Variants in HMBOX1 observed in about 807,000 individuals in gnomAD.
The protein encoded by HMBOX1 is homeobox-containing protein 1.
Under a neutral mutation model 54.5 loss-of-function variants are expected in HMBOX1, and 14 were observed. The observed-to-expected ratio is 0.26, with a 90% CI of 0.17 to 0.40. The LOEUF is 0.40. Ranked by LOEUF, HMBOX1 falls within the 10% of genes least tolerant of loss-of-function variation. The probability of loss-of-function intolerance (pLI) is 1.00; values close to 1 mark genes in which losing one functional copy is unlikely to be tolerated. For missense variants in HMBOX1, 332 were observed against 514.4 expected (o/e 0.65, Z 3.43); for synonymous variants, 160 against 181.0 (o/e 0.88, Z 0.93).
chr8:29,026,246 A>G (rs1802017063), intron 6 of HMBOX1, among the ~76,000 whole-genome samples: 2 of 152,158 alleles, frequency 1.3e-5, no homozygotes, highest in South Asian at 2.1e-4. Flanking sequence ...TTCCAAAAAC[A>G]TTTATTGTCA....
chr8:29,047,927 CAGTT>C (rs1805840316), intron 8 of HMBOX1, among the ~76,000 whole-genome samples: 3 of 152,092 alleles, frequency 2.0e-5, no homozygotes, highest in Admixed American at 1.3e-4. Context: ...TAATAAACCA[CAGTT>C]AGTATTATTT....
chr8:28,952,844 T>G (rs1299399476), intron 1 of HMBOX1, among the ~76,000 whole-genome samples: 1 of 152,258 alleles, frequency 6.6e-6, no homozygotes, highest in Non-Finnish European at 1.5e-5. Context: ...TATGTAACTT[T>G]AATCACAAAT....
intron 4 of HMBOX1, among the ~76,000 whole-genome samples, chr8:29,002,705 C>G (rs960790018): frequency 3.9e-5 from 6 of 152,104 alleles, no homozygotes; most frequent in Non-Finnish European, 7.4e-5. Context: ...TTTGTTTTCA[C>G]TCCAGTTTAA....
At chr8:28,895,044 T>C (rs1811836442) in intron 1 of HMBOX1, among the ~76,000 whole-genome samples, 2 of 152,194 alleles carry the variant, frequency 1.3e-5, no homozygotes, top group Non-Finnish European at 1.5e-5. Flanking sequence ...TCCTTCCTGT[T>C]AAGTGGTAAA....
chr8:29,041,075 T>C (rs548798162), intron 6 of HMBOX1, among the ~76,000 whole-genome samples: 95 of 152,332 alleles, frequency 6.2e-4, no homozygotes, highest in African/African-American at 2.3e-3. Context: ...TTAAATATTG[T>C]ACTGTCTCCC....
chr8:29,026,442 G>A (rs1802051849), intron 6 of HMBOX1, among the ~76,000 whole-genome samples: 1 of 152,062 alleles, frequency 6.6e-6, no homozygotes, highest in African/African-American at 2.4e-5. Flanking sequence ...ATCAGTTGTG[G>A]AGGTGCTTGT....
chr8:29,006,054 G>T (rs1405521269), intron 4 of HMBOX1, among the ~76,000 whole-genome samples: 1 of 147,524 alleles, frequency 6.8e-6, no homozygotes, highest in Non-Finnish European at 1.5e-5. Context: ...GTGCAGTGGC[G>T]CAATCTTGGC....
At chr8:28,939,026 A>G (rs1210770130) in intron 1 of HMBOX1, among the ~76,000 whole-genome samples, 2 of 152,172 alleles carry the variant, frequency 1.3e-5, no homozygotes, top group African/African-American at 4.8e-5. Flanking sequence ...GTGGTGGCTC[A>G]CGCCTGTAAT....
At chr8:28,947,985 G>A (rs1212332158) in intron 1 of HMBOX1, among the ~76,000 whole-genome samples, 1 of 152,116 alleles carries the variant, frequency 6.6e-6, no homozygotes, top group African/African-American at 2.4e-5. Context: ...GTATAGTGGT[G>A]CAGATATGCT....
At chr8:29,006,984 T>G (rs983575007) in intron 4 of HMBOX1, among the ~76,000 whole-genome samples, 2 of 152,130 alleles carry the variant, frequency 1.3e-5, no homozygotes, top group African/African-American at 2.4e-5. Context: ...GTTGTTTTCT[T>G]CACCCTTTAA....
intron 1 of HMBOX1, among the ~76,000 whole-genome samples, chr8:28,908,994 G>T (rs536146923): frequency 4.6e-5 from 7 of 151,856 alleles, no homozygotes; most frequent in African/African-American, 1.7e-4. Flanking sequence ...CAGCTACTCA[G>T]GAAGCTAAGG....
chr8:28,911,000 G>A (rs1260930387), intron 1 of HMBOX1, among the ~76,000 whole-genome samples: 1 of 152,178 alleles, frequency 6.6e-6, no homozygotes, highest in African/African-American at 2.4e-5. Context: ...GCTTAGTGAT[G>A]CTAAATGACC....
intron 1 of HMBOX1, among the ~76,000 whole-genome samples, chr8:28,919,829 A>G (rs1405515593): frequency 1.3e-5 from 2 of 152,236 alleles, no homozygotes; most frequent in African/African-American, 4.8e-5. Context: ...AGAACAAGCA[A>G]AGCTAAAACA....
Position 28,970,480 on chromosome 8 carries a change from A to T in HMBOX1, c.461A>T (p.Glu154Val), listed in dbSNP as rs758201711. ...QRSYSFEASE[E>V]DLDVDDKVEE... ...TCATACAGTTTTGAAGCCTCAGAAG[A>T]GGACCTAGATGTAGATGATAAAGTG... Residue 154 changes from glutamate (E) to valine (V), a missense_variant, in exon 3 of 10, where the codon GAG (glutamate) becomes GTG (valine). Coordinates refer to ENST00000287701, the MANE Select transcript of HMBOX1 (RefSeq NM_001135726.3). The surrounding 1 kb of genome is among the most constrained non-coding windows in gnomAD (Gnocchi z 4.3). 1.2e-6 allele frequency: 2 copies of T among 1,611,434 alleles called. No homozygotes were observed. The highest frequency in any genetic ancestry group is 1.7e-6 in the Non-Finnish European group (2 of 1,179,000).
intron 1 of HMBOX1, among the ~76,000 whole-genome samples, chr8:28,924,250 G>A (rs1289551182): frequency 6.6e-6 from 1 of 151,556 alleles, no homozygotes; most frequent in Non-Finnish European, 1.5e-5. Flanking sequence ...GGGACTACAG[G>A]TGCCCGCCAC....
intron 5 of HMBOX1, among the ~76,000 whole-genome samples, chr8:29,013,902 A>G (rs946432395): frequency 3.3e-5 from 5 of 152,200 alleles, no homozygotes; most frequent in Admixed American, 2.6e-4. Context: ...CTAAACAATT[A>G]AATAAAATTT....
At chr8:28,929,779 A>G (rs938523049) in intron 1 of HMBOX1, among the ~76,000 whole-genome samples, 1 of 152,102 alleles carries the variant, frequency 6.6e-6, no homozygotes, top group Non-Finnish European at 1.5e-5. Flanking sequence ...CCCACTCTTG[A>G]CTATTTTAAA....
chr8:28,951,487 A>T (rs904619544), intron 1 of HMBOX1, among the ~76,000 whole-genome samples: 1 of 152,248 alleles, frequency 6.6e-6, no homozygotes, highest in African/African-American at 2.4e-5. Context: ...AATATATAAT[A>T]TGTCAAGTAG....
In HMBOX1 at chr8:29,023,662, A is replaced by G. The variant is rs111842343; in HGVS notation, c.851+4749A>G. 2.8e-3 allele frequency among the ~76,000 whole-genome samples: 420 copies of G among 152,218 alleles called. 4 individuals carry two copies. The highest frequency in any genetic ancestry group is 9.3e-3 in the African/African-American group (385 of 41,536). On this transcript the variant is annotated intron_variant, in intron 6 of 9. Coordinates refer to ENST00000287701, the MANE Select transcript of HMBOX1 (RefSeq NM_001135726.3). ...AGAGATCCACCTGCCTCAGTCTCCT[A>G]CAGTCCTGGGATTATAGGTGTGATC...
Sources: gnomAD v4.1 joint callset for allele counts (sites outside exome capture counted in the v4.1 genomes callset) on GRCh38, gnomAD v4.1.1 for gene constraint, Gnocchi (gnomAD v3.1) non-coding constraint, MANE v1.5 for transcripts, NCBI Gene and HGNC (gene_info 2026-07-23, HGNC 2026-07-21) for gene names.